LRRC49: variants seen among roughly 807,000 people sequenced by gnomAD.
LRRC49 encodes leucine-rich repeat-containing protein 49.
Under a neutral mutation model 83.3 loss-of-function variants are expected in LRRC49, and 50 were observed. The ratio of observed to expected loss-of-function variants is 0.60; its 90% confidence interval spans 0.48 to 0.76. The LOEUF (loss-of-function observed/expected upper bound fraction) is 0.76. Among genes scored for constraint, LRRC49 ranks in the 30% least tolerant of loss-of-function variants. The probability of loss-of-function intolerance (pLI) is 0.00; values close to 1 mark genes in which losing one functional copy is unlikely to be tolerated. For missense variants in LRRC49, 704 were observed against 809.1 expected (o/e 0.87, Z 1.58); for synonymous variants, 286 against 283.3 (o/e 1.01, Z -0.10).
chr15:70,919,273 T>C, intron 7 of LRRC49, 80 bp downstream of exon 7: 2 of 1,239,512 alleles, frequency 1.6e-6, no homozygotes, highest in East Asian at 4.9e-5. Context: ...TATGGCTTTC[T>C]GCAAAGTAAG....
At chr15:70,969,964 T>C (rs907126516) in intron 9 of LRRC49, among the ~76,000 whole-genome samples, 3 of 152,184 alleles carry the variant, frequency 2.0e-5, no homozygotes, top group African/African-American at 7.2e-5. Flanking sequence ...TGAATACCCT[T>C]TATTTCTTTC....
chr15:70,958,130 A>T (rs1330678801), intron 8 of LRRC49, among the ~76,000 whole-genome samples: 1 of 152,150 alleles, frequency 6.6e-6, no homozygotes, highest in Non-Finnish European at 1.5e-5. Flanking sequence ...AAACTTCCAT[A>T]GAACATCTCC....
At chr15:70,893,540 T>G (rs1337720451) in intron 1 of LRRC49, 44 bp from the exon 2 acceptor site, 3 of 1,234,376 alleles carry the variant, frequency 2.4e-6, no homozygotes, top group South Asian at 2.6e-5. Context: ...AATATGTGTT[T>G]GTGTATTAAG....
chr15:70,881,598 T>C (rs2033265322), intron 2 of LRRC49: 1 of 152,172 alleles, frequency 6.6e-6, no homozygotes, highest in Non-Finnish European at 1.5e-5. Flanking sequence ...GCCATAGAAA[T>C]TTTTCCTGGT....
At chr15:70,870,962 T>TTGTTTTTG (rs2033017845) in intron 1 of LRRC49, among the ~76,000 whole-genome samples, 1 of 151,800 alleles carries the variant, frequency 6.6e-6, no homozygotes, top group South Asian at 2.1e-4. Context: ...TTTTTTTTTT[T>TTGTTTTTG]TTTAGTATTT....
chr15:70,873,239 C>T, intron 2 of LRRC49: 3 of 1,535,852 alleles, frequency 2.0e-6, no homozygotes, highest in Non-Finnish European at 2.6e-6. Flanking sequence ...TCTACACTTT[C>T]AGTTGACATA....
chr15:71,030,622 G>C (rs2039319999), intron 14 of LRRC49, among the ~76,000 whole-genome samples: 1 of 152,074 alleles, frequency 6.6e-6, no homozygotes, highest in African/African-American at 2.4e-5. Context: ...TTCCAACTTG[G>C]TTCCATTCAC....
At position 70,882,801 on chromosome 15, in the gene LRRC49, A is replaced by C. The variant is rs373711314; in HGVS notation, c.18+9578A>C. 77 of 1,614,074 alleles carry C rather than the reference A, an allele frequency of 4.8e-5. No homozygotes were observed. The highest frequency in any genetic ancestry group is 6.4e-5 in the Non-Finnish European group (75 of 1,180,032). On this transcript the variant is annotated intron_variant, in intron 2 of 16. Coordinates refer to the LRRC49 transcript ENST00000544974. Reference sequence around the variant, plus strand: ...GGGGCCTTTTCAAAGAAATTTGTGTACTTTTATGCACTGGGCCTTCTTCAC... The same window carrying C: ...GGGGCCTTTTCAAAGAAATTTGTGTCCTTTTATGCACTGGGCCTTCTTCAC...
chr15:70,894,645 G>T, intron 2 of LRRC49: 1 of 1,285,642 alleles, frequency 7.8e-7, no homozygotes, highest in African/African-American at 1.5e-5. Context: ...GACCAAGTTG[G>T]AAACCTCTAA....
At chr15:70,984,351 G>T in intron 11 of LRRC49, 94 bp downstream of exon 11, 1 of 1,129,606 alleles carries the variant, frequency 8.9e-7, no homozygotes, top group Non-Finnish European at 1.2e-6. Flanking sequence ...TATTTTAAAA[G>T]GGTTTTCTTA....
chr15:70,925,099 C>T (rs1259263984), intron 7 of LRRC49, among the ~76,000 whole-genome samples: 1 of 152,028 alleles, frequency 6.6e-6, no homozygotes, highest in Non-Finnish European at 1.5e-5. Flanking sequence ...GTATGTCTTA[C>T]AATCTATAGC....
chr15:70,989,909 T>A (rs1233013903), intron 11 of LRRC49, among the ~76,000 whole-genome samples: 2 of 152,186 alleles, frequency 1.3e-5, no homozygotes, highest in Non-Finnish European at 2.9e-5. Context: ...CAGACCCTGT[T>A]TGCCTGGGTA....
At chr15:70,980,000 T>G (rs1401168004) in intron 9 of LRRC49, 101 bp from the exon 10 acceptor site, 4 of 665,834 alleles carry the variant, frequency 6.0e-6, no homozygotes, top group Non-Finnish European at 7.8e-6. Context: ...TAGTAAATAC[T>G]ATGCCTCTCA....
chr15:70,895,578 A>G (rs1283847225), intron 2 of LRRC49: 3 of 256,120 alleles, frequency 1.2e-5, no homozygotes, highest in African/African-American at 6.8e-5. Flanking sequence ...GAATTTTTTC[A>G]TCATTCCAAA....
chr15:70,878,898 G>A (rs1454501625), intron 2 of LRRC49, among the ~76,000 whole-genome samples: 1 of 152,160 alleles, frequency 6.6e-6, no homozygotes, highest in Non-Finnish European at 1.5e-5. Flanking sequence ...AGGGATGTTG[G>A]TTTATAATTT....
chr15:70,935,774 G>A (rs1224581161), intron 7 of LRRC49, among the ~76,000 whole-genome samples: 1 of 152,144 alleles, frequency 6.6e-6, no homozygotes, highest in Non-Finnish European at 1.5e-5. Flanking sequence ...TTGAGGATCA[G>A]AGCACTGGAA....
chr15:71,022,279 A>G (rs939773038), intron 14 of LRRC49, among the ~76,000 whole-genome samples: 3 of 152,138 alleles, frequency 2.0e-5, no homozygotes, highest in Non-Finnish European at 4.4e-5. Context: ...AGGCTGAGGC[A>G]TGAGAATCAC....
chr15:70,942,583 T>G (rs190939371), intron 8 of LRRC49, among the ~76,000 whole-genome samples: 33 of 152,318 alleles, frequency 2.2e-4, no homozygotes, highest in African/African-American at 7.5e-4. Context: ...TTTGAGGTAG[T>G]ATCAATGAAG....
At chr15:71,037,374 A>G in intron 15 of LRRC49, 42 bp downstream of exon 15, 1 of 1,500,904 alleles carries the variant, frequency 6.7e-7, no homozygotes, top group Non-Finnish European at 9.0e-7. Flanking sequence ...GCCAGGATAT[A>G]TCCCACATGG....
Sources: gnomAD v4.1 joint callset for allele counts (sites outside exome capture counted in the v4.1 genomes callset) on GRCh38, gnomAD v4.1.1 for gene constraint, MANE v1.5 for transcripts, NCBI Gene and HGNC (gene_info 2026-07-23, HGNC 2026-07-21) for gene names.